The following KCNT2 variants were observed in gnomAD, a reference collection of about 807,000 sequenced individuals.
The protein encoded by KCNT2 is potassium channel subfamily T member 2.
A neutral mutation model predicts 153.8 loss-of-function variants in KCNT2; 67 were observed. The observed-to-expected ratio is 0.44, with a 90% CI of 0.36 to 0.53. The LOEUF (loss-of-function observed/expected upper bound fraction) is 0.53, where lower values mean the gene tolerates loss of function less well. Ranked by LOEUF, KCNT2 falls within the 20% of genes least tolerant of loss-of-function variation. The probability of loss-of-function intolerance (pLI) is 0.00; values close to 1 mark genes in which losing one functional copy is unlikely to be tolerated. For missense variants in KCNT2, 975 were observed against 1,354.8 expected (o/e 0.72, Z 4.40); for synonymous variants, 500 against 458.8 (o/e 1.09, Z -1.15).
At chr1:196,519,220 C>T (rs1186740180) in intron 1 of KCNT2, among the ~76,000 whole-genome samples, 7 of 152,044 alleles carry the variant, frequency 4.6e-5, no homozygotes, top group Non-Finnish European at 1.0e-4. Flanking sequence ...GAAATTAAGG[C>T]AGAAATCAGG....
At chr1:196,512,570 A>G (rs1317145878) in intron 1 of KCNT2, among the ~76,000 whole-genome samples, 1 of 152,150 alleles carries the variant, frequency 6.6e-6, no homozygotes, top group East Asian at 1.9e-4. Context: ...GCATATTAAT[A>G]TTATTGTTTA....
At chr1:196,532,378 C>G (rs565213527) in intron 1 of KCNT2, among the ~76,000 whole-genome samples, 46 of 152,068 alleles carry the variant, frequency 3.0e-4, no homozygotes, top group African/African-American at 8.7e-4. Context: ...TAGAAGCATT[C>G]AACAGCTAAG....
chr1:196,415,676 T>C (rs1393258162), intron 12 of KCNT2, among the ~76,000 whole-genome samples: 1 of 151,910 alleles, frequency 6.6e-6, no homozygotes, highest in Non-Finnish European at 1.5e-5. Context: ...CATGAGTCCC[T>C]GTACATCCAA....
chr1:196,381,532 G>A (rs977682982), intron 13 of KCNT2, among the ~76,000 whole-genome samples: 1 of 152,042 alleles, frequency 6.6e-6, no homozygotes, highest in African/African-American at 2.4e-5. Context: ...TTTCAGATAA[G>A]CAATCAGATA....
chr1:196,323,727 C>T (rs1014880955), intron 19 of KCNT2, among the ~76,000 whole-genome samples: 7 of 151,610 alleles, frequency 4.6e-5, no homozygotes, highest in Admixed American at 6.6e-5. Context: ...AATTAATTGC[C>T]GTTTCGACTA....
At position 196,342,101 on chromosome 1, in the gene KCNT2, C is replaced by T; in HGVS notation, c.1531G>A (p.Ala511Thr). ...AEYEGKSFTY[A>T]SFHAHKKFGV... The stretch of plus-strand genomic sequence containing the variant: ...TACTTTTTGTGTGCATGGAAAGAGG[C>T]ATATGTAAAACTCTTTCCTTCATAT... The change falls in exon 15 of 28, where the codon GCC (alanine) becomes ACC (threonine). Residue 511 changes from alanine (A) to threonine (T), a missense_variant. Transcript: ENST00000294725. 1 of 1,605,202 alleles carries T rather than the reference C, an allele frequency of 6.2e-7. No homozygotes were observed. The highest frequency in any genetic ancestry group is 8.5e-7 in the Non-Finnish European group (1 of 1,175,562).
At chr1:196,503,959 T>A (rs1170098134) in intron 1 of KCNT2, among the ~76,000 whole-genome samples, 4 of 152,158 alleles carry the variant, frequency 2.6e-5, no homozygotes, top group Non-Finnish European at 1.5e-5. Context: ...AGTTACGACT[T>A]TTAATAGGCA....
At chr1:196,451,217 C>CTATTTTTTTTTTTTTTTTTT (rs1676135727) in intron 8 of KCNT2, among the ~76,000 whole-genome samples, 1 of 63,552 alleles carries the variant, frequency 1.6e-5, no homozygotes, top group African/African-American at 4.7e-5. Context: ...ATCCCTCTTT[C>CTATTTTTTTTTTTTTTTTTT]TTTTTTTTTT....
intron 8 of KCNT2, among the ~76,000 whole-genome samples, chr1:196,445,621 C>T (rs557993823): frequency 1.3e-5 from 2 of 151,508 alleles, no homozygotes; most frequent in Admixed American, 1.3e-4. Flanking sequence ...GAAACTTTGT[C>T]ATAATGATAG....
At chr1:196,580,903 G>A (rs1194163906) in intron 1 of KCNT2, among the ~76,000 whole-genome samples, 1 of 152,046 alleles carries the variant, frequency 6.6e-6, no homozygotes, top group Non-Finnish European at 1.5e-5. Flanking sequence ...GGGGCCAGAT[G>A]GTTTTTGTTA....
chr1:196,533,717 G>A (rs1256770902), intron 1 of KCNT2, among the ~76,000 whole-genome samples: 1 of 152,038 alleles, frequency 6.6e-6, no homozygotes, highest in Non-Finnish European at 1.5e-5. Context: ...GTCTTCTATT[G>A]TGGTTGGCAT....
At chr1:196,327,811 T>TG (rs1664029419) in intron 18 of KCNT2, among the ~76,000 whole-genome samples, 1 of 151,474 alleles carries the variant, frequency 6.6e-6, no homozygotes, top group Non-Finnish European at 1.5e-5. Context: ...GGACTACAGG[T>TG]GGGCACCAGC....
At chr1:196,333,485 G>A (rs1664690307) in intron 17 of KCNT2, among the ~76,000 whole-genome samples, 1 of 151,982 alleles carries the variant, frequency 6.6e-6, no homozygotes, top group Non-Finnish European at 1.5e-5. Flanking sequence ...ATATGGATGT[G>A]CAATAAAGTA....
At chr1:196,472,581 T>C (rs964438651) in intron 5 of KCNT2, among the ~76,000 whole-genome samples, 25 of 152,324 alleles carry the variant, frequency 1.6e-4, no homozygotes, top group Admixed American at 1.5e-3. Context: ...AACTGCTTAA[T>C]CCACTGATTC....
At chr1:196,281,121 G>A (rs1659054400) in intron 24 of KCNT2, 133 bp from the exon 25 acceptor site, 3 of 657,802 alleles carry the variant, frequency 4.6e-6, no homozygotes, top group African/African-American at 3.6e-5. Context: ...ACAGTGCAAC[G>A]GTGCAACCAT....
chr1:196,567,868 TTTGA>T (rs1660299362), intron 1 of KCNT2, among the ~76,000 whole-genome samples: 2 of 152,354 alleles, frequency 1.3e-5, no homozygotes, highest in East Asian at 1.9e-4. Context: ...TATCCAATAC[TTTGA>T]TTGCCTTCAG....
At chr1:196,329,738 C>A (rs991251647) in intron 18 of KCNT2, among the ~76,000 whole-genome samples, 1 of 148,450 alleles carries the variant, frequency 6.7e-6, no homozygotes, top group Admixed American at 6.8e-5. Context: ...ATATCAAGTG[C>A]TTCATAATAT....
intron 1 of KCNT2, among the ~76,000 whole-genome samples, chr1:196,531,279 C>T (rs1654904604): frequency 6.6e-6 from 1 of 152,032 alleles, no homozygotes; most frequent in African/African-American, 2.4e-5. Flanking sequence ...AGAATCCCCT[C>T]ACAGACTTCC....
intron 26 of KCNT2, 135 bp from the exon 27 acceptor site, chr1:196,236,205 C>T: frequency 1.6e-6 from 1 of 609,038 alleles, no homozygotes; most frequent in Non-Finnish European, 2.9e-6. Context: ...CATGATTGTG[C>T]ACATAAGTTT....
Sources: allele counts gnomAD v4.1 joint callset (sites outside exome capture counted in the v4.1 genomes callset), GRCh38; gene constraint gnomAD v4.1.1; transcripts MANE v1.5; gene names NCBI Gene and HGNC (gene_info 2026-07-23, HGNC 2026-07-21).